Variants in PTCHD4 observed in about 807,000 individuals in gnomAD.
PTCHD4 encodes patched domain-containing protein 4.
Under a neutral mutation model 58.1 loss-of-function variants are expected in PTCHD4, and 33 were observed. The ratio of observed to expected loss-of-function variants is 0.57; its 90% CI spans 0.43 to 0.76. The LOEUF (loss-of-function observed/expected upper bound fraction) is 0.76, where lower values mean the gene tolerates loss of function less well. Ranked by LOEUF, PTCHD4 falls within the 30% of genes least tolerant of loss-of-function variation. The pLI is 0.00. For missense variants in PTCHD4, 1,058 were observed against 1,027.1 expected (o/e 1.03, Z -0.41); for synonymous variants, 478 against 409.6 (o/e 1.17, Z -2.02).
chr6:47,923,665 A>G (rs868087131), intron 4 of PTCHD4, among the ~76,000 whole-genome samples: 39 of 152,332 alleles, frequency 2.6e-4, no homozygotes, highest in Middle Eastern at 3.4e-3. Context: ...TTGGTGATTT[A>G]TATTTCATGT....
intron 4 of PTCHD4, among the ~76,000 whole-genome samples, chr6:48,002,357 C>T (rs1199955964): frequency 1.3e-5 from 2 of 152,152 alleles, no homozygotes; most frequent in African/African-American, 4.8e-5. Flanking sequence ...TTGGAACCAA[C>T]TCAAATGTCC....
chr6:48,068,685 T>A lies in PTCHD4; in HGVS notation c.6-44A>T, dbSNP rs1427446949. 6.7e-7 allele frequency: 1 copy of A among 1,497,192 alleles called. No individual in the cohort carries two copies. The highest frequency in any genetic ancestry group is 2.0e-5 in the Admixed American group (1 of 48,932). 92.7% of individuals were successfully genotyped at this position (1,497,192 alleles called of 1,614,324 possible). A position where few individuals can be genotyped will look rare whatever the true frequency, so the allele number is the denominator to read the frequency against. Reference sequence around the variant, plus strand: ...CATGTGTAAGCGCCGGGCTACCCCGTTCTCCCCCATCCCACCCCCTGGGGC... The same window carrying A: ...CATGTGTAAGCGCCGGGCTACCCCGATCTCCCCCATCCCACCCCCTGGGGC... On this transcript the variant is annotated intron_variant, in intron 2 of 4. Transcript: ENST00000339488. This position sits in a 1 kb window ranked among gnomAD's most constrained non-coding sequence, Gnocchi z 4.2.
At chr6:48,040,147 A>C (rs1353853296) in intron 3 of PTCHD4, among the ~76,000 whole-genome samples, 1 of 152,112 alleles carries the variant, frequency 6.6e-6, no homozygotes, top group Non-Finnish European at 1.5e-5. Context: ...GTTTAGGTAC[A>C]TGCATGAGTT....
chr6:47,879,143 G>T lies in PTCHD4; in HGVS notation c.1692C>A (p.Asn564Lys). The change falls in exon 5 of 5, where the codon AAC (asparagine) becomes AAA (lysine). Residue 564 changes from asparagine to lysine, a missense_variant. Asn to Lys is a moderately conservative substitution (Grantham distance 94, BLOSUM62 0). Coordinates refer to ENST00000339488, the MANE Select transcript of PTCHD4 (RefSeq NM_001384253.1). ...GCAGGACACTGATGAAGTCACTTTT[G>T]TTATTGGCACTGACGTTGCTGACTT... ...FLKVSNVSAN[N>K]KSDFISVLQS... The T allele has an allele frequency of 9.3e-6, 15 of 1,612,030 alleles. No individual in the cohort carries two copies. Among genetic ancestry groups the T allele is most frequent in the Non-Finnish European group, 1.3e-5 (15 of 1,179,670 alleles).
intron 4 of PTCHD4, among the ~76,000 whole-genome samples, chr6:47,959,140 A>T (rs1313545649): frequency 6.6e-6 from 1 of 152,206 alleles, no homozygotes; most frequent in Non-Finnish European, 1.5e-5. Flanking sequence ...ACTAAACCAG[A>T]AGTGAAATGG....
intron 4 of PTCHD4, among the ~76,000 whole-genome samples, chr6:48,001,872 C>T (rs1388755330): frequency 6.6e-6 from 1 of 152,086 alleles, no homozygotes; most frequent in Non-Finnish European, 1.5e-5. Context: ...TGCCAAAGGG[C>T]TAATATCCAG....
intron 4 of PTCHD4, among the ~76,000 whole-genome samples, chr6:47,916,169 T>C (rs1385909880): frequency 6.6e-6 from 1 of 152,088 alleles, no homozygotes; most frequent in Admixed American, 6.6e-5. Context: ...TGGCTCAAGA[T>C]AAGAGGATGC....
At chr6:48,009,785 G>A (rs1221509942) in intron 3 of PTCHD4, among the ~76,000 whole-genome samples, 4 of 152,158 alleles carry the variant, frequency 2.6e-5, no homozygotes, top group Non-Finnish European at 4.4e-5. Flanking sequence ...CTCAGACATA[G>A]GTTGACCTTT....
At chr6:48,086,345 T>C (rs1271282874) in intron 1 of PTCHD4, among the ~76,000 whole-genome samples, 1 of 152,154 alleles carries the variant, frequency 6.6e-6, no homozygotes, top group Non-Finnish European at 1.5e-5. Flanking sequence ...AAGACCCCAT[T>C]CTTAGTTCAT....
chr6:48,075,474 A>C (rs1450441188), intron 1 of PTCHD4, among the ~76,000 whole-genome samples: 1 of 148,762 alleles, frequency 6.7e-6, no homozygotes, highest in Non-Finnish European at 1.5e-5. Context: ...TAGTTTAATC[A>C]CTTAACTGCT....
chr6:48,062,111 C>T (rs10485049), intron 3 of PTCHD4, among the ~76,000 whole-genome samples: 8,636 of 152,148 alleles, frequency 0.057, 266 homozygotes, highest in Non-Finnish European at 0.065. Flanking sequence ...GGTTAAAATG[C>T]AAAATATTCT....
rs558725644 is a variant in PTCHD4, at chr6:47,938,083, G to A, written c.899-58147C>T. Among the ~76,000 whole-genome samples the A allele has an allele frequency of 2.2e-4, 34 of 152,252 alleles. 1 individual carries two copies. In the South Asian group the frequency reaches 6.4e-3, roughly 29 times the overall value. On this transcript the variant is annotated intron_variant, in intron 4 of 4. Coordinates refer to ENST00000339488, the MANE Select transcript of PTCHD4 (RefSeq NM_001384253.1). ...CAGGAGAACTGCGTGAACCCGGGAG[G>A]CAGAGGTTGCAGTGAGCTGAGATTG...
chr6:47,931,349 A>G (rs1422587473), intron 4 of PTCHD4, among the ~76,000 whole-genome samples: 1 of 152,216 alleles, frequency 6.6e-6, no homozygotes, highest in Non-Finnish European at 1.5e-5. Flanking sequence ...AGAGTTATAT[A>G]TGTGTACTTG....
rs779939716 is a variant in PTCHD4 at position 48,008,870 on chromosome 6, C to T, written c.662G>A (p.Arg221Lys). Residue 221 changes from arginine (R) to lysine (K), a missense_variant, in exon 4 of 5, where the codon AGG (arginine) becomes AAG (lysine). Physicochemically the swap from Arg to Lys is conservative, Grantham distance 26. Transcript: ENST00000339488. The part of the protein sequence containing the change: ...LYSLASFSLW[R>K]DFHKTSILAR... ...CAGGATGCTGGTCTTATGAAAGTCC[C>T]TCCAGAGGCTAAAGGATGCTAAAGA... The T allele has an allele frequency of 6.2e-7, 1 of 1,613,892 alleles. No individual in the cohort carries two copies. The highest frequency in any genetic ancestry group is 8.5e-7 in the Non-Finnish European group (1 of 1,179,900).
intron 1 of PTCHD4, among the ~76,000 whole-genome samples, chr6:48,095,013 A>G (rs1765435148): frequency 6.6e-6 from 1 of 152,186 alleles, no homozygotes; most frequent in Admixed American, 6.5e-5. Context: ...GGGACAGGGT[A>G]GTATAGATTA....
chr6:48,074,357 C>T (rs1040914820), intron 1 of PTCHD4, among the ~76,000 whole-genome samples: 1 of 152,192 alleles, frequency 6.6e-6, no homozygotes, highest in Non-Finnish European at 1.5e-5. Flanking sequence ...TTCCTCTCGG[C>T]CTTGCCCATG....
intron 1 of PTCHD4, among the ~76,000 whole-genome samples, chr6:48,106,473 T>C (rs1024731351): frequency 3.9e-5 from 6 of 152,218 alleles, no homozygotes; most frequent in Non-Finnish European, 5.9e-5. Flanking sequence ...GAGCTATCTA[T>C]GACAAACCCA....
chr6:48,023,288 T>C (rs1582036820), intron 3 of PTCHD4, among the ~76,000 whole-genome samples: 1 of 152,252 alleles, frequency 6.6e-6, no homozygotes, highest in East Asian at 1.9e-4. Flanking sequence ...CCTTAATAAG[T>C]CCAGTGGTAG....
intron 4 of PTCHD4, among the ~76,000 whole-genome samples, chr6:47,920,426 G>A (rs1765395172): frequency 6.6e-6 from 1 of 152,098 alleles, no homozygotes; most frequent in Non-Finnish European, 1.5e-5. Flanking sequence ...AGAGTGAGGG[G>A]AATTAAGCAT....
Sources: allele counts gnomAD v4.1 joint callset (sites outside exome capture counted in the v4.1 genomes callset), GRCh38; gene constraint gnomAD v4.1.1; non-coding constraint Gnocchi (gnomAD v3.1); transcripts MANE v1.5; gene names NCBI Gene and HGNC (gene_info 2026-07-23, HGNC 2026-07-21).